The following EIF3B variants were observed in gnomAD, a reference collection of about 807,000 sequenced individuals.
The protein encoded by EIF3B is eukaryotic translation initiation factor 3 subunit B.
EIF3B carries 10 observed loss-of-function variants against 104.6 expected under a neutral mutation model. The ratio of observed to expected loss-of-function variants is 0.10; its 90% CI spans 0.06 to 0.16. The LOEUF is 0.16. Ranked by LOEUF, EIF3B falls within the 10% of genes least tolerant of loss-of-function variation. The pLI, the probability that EIF3B is intolerant of heterozygous loss-of-function variation, is 1.00. For missense variants in EIF3B, 1,014 were observed against 1,087.9 expected, an observed-to-expected ratio of 0.93 and a Z score of 0.96; for synonymous variants, 542 against 417.2, an observed-to-expected ratio of 1.30 and a Z score of -3.65.
In EIF3B at chr7:2,355,430, C is replaced by G. The variant is rs748459770; in HGVS notation, c.499+10C>G. 2 of 1,433,694 alleles carry G rather than the reference C, an allele frequency of 1.4e-6. No individual in the cohort carries two copies. Among genetic ancestry groups the G allele is most frequent in the East Asian group, 5.8e-5 (2 of 34,776 alleles). The allele number at this position is 1,433,694 out of a possible 1,614,324, so 88.8% of individuals were successfully genotyped here. ...GACGTGAGCGAGGAAGGTGAGGGCG[C>G]CCGGGGCGGGGCTGGCGAGCGGCGC... On this transcript the variant is annotated intron_variant, in intron 1 of 18. Transcript: ENST00000360876.
Position 2,368,559 on chromosome 7 carries a change from C to T in EIF3B, c.1404-913C>T, listed in dbSNP as rs112279875. Among the ~76,000 whole-genome samples, 369 of 152,348 alleles carry T rather than the reference C, an allele frequency of 2.4e-3. 1 individual carries two copies. Among genetic ancestry groups the T allele is most frequent in the African/African-American group, 6.5e-3 (272 of 41,588 alleles). ...AGGCACCACTTCAGTGACCCCTTCC[C>T]GTGCCTAGAAATGAATTTTCAAGGC... On this transcript the variant is annotated intron_variant, in intron 9 of 18. Coordinates refer to ENST00000360876, the MANE Select transcript of EIF3B (RefSeq NM_001037283.2).
At chr7:2,354,754 C>A (rs1210138927), upstream of EIF3B, 5 of 480,150 alleles carry the variant, frequency 1.0e-5, no homozygotes, top group Admixed American at 5.9e-5. Context: ...CTCTCAGGGT[C>A]GTTCGTGAGG....
At chr7:2,374,378 TG>T (rs1780523915) in intron 12 of EIF3B, 149 bp from the exon 13 acceptor site, 1 of 651,632 alleles carries the variant, frequency 1.5e-6, no homozygotes, top group Admixed American at 2.4e-5. Context: ...TACTTGGCGA[TG>T]GACTTTGTAA....
At chr7:2,361,710 C>T (rs1372076282) in intron 2 of EIF3B, among the ~76,000 whole-genome samples, 1 of 152,142 alleles carries the variant, frequency 6.6e-6, no homozygotes, top group East Asian at 1.9e-4. Context: ...TGAGCCACCG[C>T]GCCCGGCCTC....
intron 6 of EIF3B, 95 bp from the exon 7 acceptor site, chr7:2,366,222 T>C: frequency 7.3e-7 from 1 of 1,361,580 alleles, no homozygotes; most frequent in Non-Finnish European, 1.0e-6. Context: ...AGAGAGCTGG[T>C]TCCGCGAGTT....
At position 2,365,654 on chromosome 7, in the gene EIF3B, TG is replaced by T. The variant is rs67337737; in HGVS notation, c.1158-662del. The stretch of plus-strand genomic sequence containing the variant: ...TCGAACTGGATGGGACTTGTTTTTT[TG>T]TTTGTTTGTTTGTTTGTTTGTTTTG... On this transcript the variant is annotated intron_variant, in intron 6 of 18. Coordinates refer to ENST00000360876, the MANE Select transcript of EIF3B (RefSeq NM_001037283.2). 2.5e-3 allele frequency among the ~76,000 whole-genome samples: 232 copies of T among 92,784 alleles called. 2 individuals carry two copies. The highest frequency in any genetic ancestry group is 0.012 in the African/African-American group (181 of 14,554). The allele number at this position is 92,784 out of a possible 152,430, so 60.9% of individuals were successfully genotyped here. A position where few individuals can be genotyped will look rare whatever the true frequency, so the allele number is the denominator to read the frequency against.
chr7:2,366,559 A>C lies in EIF3B; in HGVS notation c.1324A>C (p.Thr442Pro). The C allele has an allele frequency of 6.2e-7, 1 of 1,614,196 alleles. No homozygotes were observed. The highest frequency in any genetic ancestry group is 8.5e-7 in the Non-Finnish European group (1 of 1,180,032). ...TGATGGCAAATTCTTTGCCAGAATG[A>C]CCCTGGATACGCTTAGCATCTATGA... ...SHDGKFFARM[T>P]LDTLSIYETP... The change falls in exon 8 of 19, where the codon ACC becomes CCC. Residue 442 changes from threonine (T) to proline (P), a missense_variant. Physicochemically the swap from Thr to Pro is conservative, Grantham distance 38. Around this residue, in one of 4 missense-constraint regions of EIF3B, gnomAD observed 201 missense variants for 240.7 expected, o/e 0.83. Transcript: ENST00000360876.
At position 2,372,414 on chromosome 7, in the gene EIF3B, C is replaced by T. The variant is rs1227756668; in HGVS notation, c.1688-259C>T. On this transcript the variant is annotated intron_variant, in intron 11 of 18. Coordinates refer to ENST00000360876, the MANE Select transcript of EIF3B (RefSeq NM_001037283.2). ...CCACAGCTGCTGACAATGTCGGGCT[C>T]CTGCGGTCCTGCTGTGGGTGTCCTG... is the stretch of plus-strand genomic sequence containing the variant. 2.6e-5 allele frequency among the ~76,000 whole-genome samples: 4 copies of T among 152,166 alleles called. No individual in the cohort carries two copies. In the East Asian group the frequency reaches 7.7e-4, roughly 29 times the overall value.
chr7:2,358,293 A>T (rs1779558953), intron 1 of EIF3B, among the ~76,000 whole-genome samples: 1 of 152,182 alleles, frequency 6.6e-6, no homozygotes, highest in South Asian at 2.1e-4. Flanking sequence ...CTTGTTGGCC[A>T]GGCTGGTCTC....
chr7:2,367,824 A>ATTTTTTTTTTTTTTTT (rs1562484073), intron 9 of EIF3B, among the ~76,000 whole-genome samples: 4 of 101,724 alleles, frequency 3.9e-5, no homozygotes, highest in African/African-American at 1.6e-4. Context: ...CTTTTTTTAA[A>ATTTTTTTTTTTTTTTT]ATTTTTTTTT....
chr7:2,375,806 A>G (rs570379681), intron 14 of EIF3B, among the ~76,000 whole-genome samples: 3 of 152,270 alleles, frequency 2.0e-5, no homozygotes, highest in African/African-American at 7.2e-5. Flanking sequence ...GTCTGCAGAG[A>G]GGAGTCGTTT....
intron 9 of EIF3B, among the ~76,000 whole-genome samples, chr7:2,368,991 C>CA (rs1435626996): frequency 6.6e-6 from 1 of 152,246 alleles, no homozygotes; most frequent in Middle Eastern, 3.2e-3. Flanking sequence ...CCGTTCGTTA[C>CA]AGCAGCTCTT....
At chr7:2,372,862 A>G (rs963618730) in intron 12 of EIF3B, 67 bp downstream of exon 12, 2 of 1,559,134 alleles carry the variant, frequency 1.3e-6, no homozygotes, top group African/African-American at 1.4e-5. Context: ...TCGCTGCCCA[A>G]CAGTGAGCAT....
rs948079594 is a variant in EIF3B at position 2,380,679 on chromosome 7, C to A, written c.*490C>A. 29 of 193,746 alleles carry A rather than the reference C, an allele frequency of 1.5e-4. No homozygotes were observed. Among genetic ancestry groups the A allele is most frequent in the East Asian group, 3.3e-4 (2 of 6,094 alleles). 12.0% of individuals were successfully genotyped at this position (193,746 alleles called of 1,614,324 possible). A position where few individuals can be genotyped will look rare whatever the true frequency, so the allele number is the denominator to read the frequency against. The stretch of plus-strand genomic sequence containing the variant: ...GCGCCGCCATGCCTTGTACCCCCAC[C>A]GTGCAGGTTGTGGCCGGTTTTCTCC... On this transcript the variant is annotated 3_prime_UTR_variant, in exon 19 of 19. Transcript: ENST00000360876.
chr7:2,360,160 A>T (rs1442915757), intron 1 of EIF3B, among the ~76,000 whole-genome samples: 2 of 152,126 alleles, frequency 1.3e-5, no homozygotes, highest in Non-Finnish European at 2.9e-5. Context: ...TACTACTTTC[A>T]TCCCAGTTCA....
At chr7:2,372,970 C>T in intron 12 of EIF3B, 175 bp downstream of exon 12, 1 of 520,918 alleles carries the variant, frequency 1.9e-6, no homozygotes, top group Non-Finnish European at 3.1e-6. Flanking sequence ...GGAGGTGCCG[C>T]CTCCTTGCAG....
intron 9 of EIF3B, among the ~76,000 whole-genome samples, chr7:2,367,824 A>ATTTTTTTTT (rs1562484073): frequency 7.9e-5 from 8 of 101,722 alleles, no homozygotes; most frequent in African/African-American, 3.3e-4. Flanking sequence ...CTTTTTTTAA[A>ATTTTTTTTT]ATTTTTTTTT....
At chr7:2,363,874 T>G in intron 5 of EIF3B, 114 bp downstream of exon 5, 1 of 1,272,228 alleles carries the variant, frequency 7.9e-7, no homozygotes, top group Non-Finnish European at 1.1e-6. Context: ...ATATTTTCTT[T>G]GAGATTACTT....
intron 10 of EIF3B, among the ~76,000 whole-genome samples, chr7:2,370,148 G>A (rs1291148374): frequency 6.6e-6 from 1 of 151,670 alleles, no homozygotes; most frequent in Admixed American, 6.6e-5. Flanking sequence ...TTTTATTTTT[G>A]GTGGTTGATC....
Sources: gnomAD v4.1 joint callset for allele counts (sites outside exome capture counted in the v4.1 genomes callset) on GRCh38, gnomAD v4.1.1 for gene constraint, gnomAD v4.1.1 regional missense constraint, MANE v1.5 for transcripts, NCBI Gene and HGNC (gene_info 2026-07-23, HGNC 2026-07-21) for gene names.